ZKSCAN2: variants seen among roughly 807,000 people sequenced by gnomAD.
ZKSCAN2 encodes zinc finger with KRAB and SCAN domains 2.
A neutral mutation model predicts 90.5 loss-of-function variants in ZKSCAN2; 38 were observed. The observed-to-expected ratio is 0.42, with a 90% confidence interval of 0.32 to 0.55. ZKSCAN2 has a LOEUF of 0.55. ZKSCAN2 is among the 20% of genes least tolerant of loss of function. The pLI, the probability that ZKSCAN2 is intolerant of heterozygous loss-of-function variation, is 0.11. For synonymous variants in ZKSCAN2, 429 were observed against 421.6 expected, an observed-to-expected ratio of 1.02 and a Z score of -0.22; for missense variants, 1,167 against 1,202.6, an observed-to-expected ratio of 0.97 and a Z score of 0.44.
Position 25,252,946 on chromosome 16 carries a change from C to G in ZKSCAN2, c.678G>C (p.Gln226His). Residue 226 changes from glutamine to histidine, a missense_variant and splice_region_variant, in exon 3 of 7, where the codon CAG becomes CAC. Gln to His is a conservative substitution (Grantham distance 24). Coordinates refer to ENST00000328086, the MANE Select transcript of ZKSCAN2 (RefSeq NM_001012981.5). ...VTTTRLPAGSQEPVKDVHVAR... is the reference protein window; with the variant it reads ...VTTTRLPAGSHEPVKDVHVAR... ...GAAAAAAAAGACAATTACAATGTAC[C>G]TGGGACCCAGCAGGAAGCCGTGTGG... 6.2e-7 allele frequency: 1 copy of G among 1,612,520 alleles called. No individual in the cohort carries two copies. Among genetic ancestry groups the G allele is most frequent in the Non-Finnish European group, 8.5e-7 (1 of 1,178,672 alleles).
Position 25,239,838 on chromosome 16 carries a change from T to C in ZKSCAN2, c.2882A>G (p.Asp961Gly). Residue 961 changes from aspartate to glycine, a missense_variant, in exon 7 of 7, where the codon GAT (aspartate) becomes GGT (glycine). By Grantham distance (94) the Asp-to-Gly change is moderately conservative. Transcript: ENST00000328086. ...TCATCAAAAAGTTTTCCTAAATTCATCAGTCTTTCCCTTATGTGGGTTCTC... is the reference window on the plus strand; with the variant it reads ...TCATCAAAAAGTTTTCCTAAATTCACCAGTCTTTCCCTTATGTGGGTTCTC... ...CPENPHKGKT[D>G]EFRKTF 1 of 1,586,124 alleles carries C rather than the reference T, an allele frequency of 6.3e-7. No individual in the cohort carries two copies. Among genetic ancestry groups the C allele is most frequent in the East Asian group, 2.2e-5 (1 of 44,598 alleles).
chr16:25,247,028 G>T lies in ZKSCAN2; in HGVS notation c.1168C>A (p.Pro390Thr), dbSNP rs1962944300. ...TTGAACTTGGTTCGACACTGTTCTG[G>T]GGTTCTAAGGAAGCCACATTCTCGC... ...WLRECGFLRT[P>T]EQCRTKFKSL... Residue 390 changes from proline (P) to threonine (T), a missense_variant, in exon 5 of 7, where the codon CCA becomes ACA. Coordinates refer to ENST00000328086, the MANE Select transcript of ZKSCAN2 (RefSeq NM_001012981.5). The T allele has an allele frequency of 1.2e-6, 2 of 1,614,016 alleles. No homozygotes were observed. The highest frequency in any genetic ancestry group is 1.7e-6 in the Non-Finnish European group (2 of 1,180,040).
intron 1 of ZKSCAN2, among the ~76,000 whole-genome samples, chr16:25,256,161 C>T (rs989021998): frequency 2.0e-5 from 3 of 152,026 alleles, no homozygotes; most frequent in East Asian, 1.9e-4. Context: ...CAGGATTTCA[C>T]GAGGTTCATG....
At chr16:25,248,331 A>G (rs1329333234) in intron 4 of ZKSCAN2, among the ~76,000 whole-genome samples, 3 of 150,582 alleles carry the variant, frequency 2.0e-5, no homozygotes, top group Non-Finnish European at 4.4e-5. Flanking sequence ...AACAACAAAA[A>G]CAGTCAACAA....
At chr16:25,253,172 C>T in intron 2 of ZKSCAN2, 135 bp from the exon 3 acceptor site, 1 of 730,026 alleles carries the variant, frequency 1.4e-6, no homozygotes, top group Non-Finnish European at 2.3e-6. Flanking sequence ...GAGTTCAGAA[C>T]AATCCCCAAA....
chr16:25,240,820 T>C, intron 6 of ZKSCAN2, 82 bp from the exon 7 acceptor site: 1 of 1,093,468 alleles, frequency 9.1e-7, no homozygotes, highest in South Asian at 1.5e-5. Context: ...CTTGATCCGC[T>C]TGCTCTCCAT....
At chr16:25,256,095 A>G (rs1016508610) in intron 1 of ZKSCAN2, among the ~76,000 whole-genome samples, 1 of 152,238 alleles carries the variant, frequency 6.6e-6, no homozygotes, top group Non-Finnish European at 1.5e-5. Flanking sequence ...CTGCTGATAG[A>G]TCTCTACACA....
rs1037351369 is a variant in ZKSCAN2 at position 25,255,050 on chromosome 16, T to C, written c.586+156A>G. 3.6e-4 allele frequency among the ~76,000 whole-genome samples: 55 copies of C among 152,184 alleles called. 1 individual carries two copies. The highest frequency in any genetic ancestry group is 2.7e-3 in the Admixed American group (41 of 15,288). On this transcript the variant is annotated intron_variant, in intron 2 of 6. Transcript: ENST00000328086. ...CATCTTTATGATACCTTTTCACTTATATTGCACATGTTCCTAATTCTTGAA... is the reference window on the plus strand; with the variant it reads ...CATCTTTATGATACCTTTTCACTTACATTGCACATGTTCCTAATTCTTGAA...
chr16:25,241,144 A>G (rs1962846719), intron 6 of ZKSCAN2, among the ~76,000 whole-genome samples: 1 of 152,186 alleles, frequency 6.6e-6, no homozygotes, highest in African/African-American at 2.4e-5. Context: ...CAGGAACTAA[A>G]TTCCTCTACA....
At chr16:25,249,243 T>C (rs1962982880) in intron 4 of ZKSCAN2, among the ~76,000 whole-genome samples, 1 of 152,214 alleles carries the variant, frequency 6.6e-6, no homozygotes, top group Admixed American at 6.5e-5. Flanking sequence ...TAATCTATTA[T>C]ATAGTGACTA....
intron 6 of ZKSCAN2, among the ~76,000 whole-genome samples, chr16:25,243,462 G>A (rs576906731): frequency 1.3e-5 from 2 of 152,280 alleles, no homozygotes; most frequent in South Asian, 2.1e-4. Context: ...CTGAGTAGCT[G>A]GGATTACAGG....
rs1242757133 is a variant in ZKSCAN2, at chr16:25,244,160, C to T, written c.1606G>A (p.Glu536Lys). The change falls in exon 6 of 7, where the codon GAA (glutamate) becomes AAA (lysine). Residue 536 changes from glutamate to lysine, a missense_variant. By Grantham distance (56) the Glu-to-Lys change is moderately conservative. Coordinates refer to ENST00000328086, the MANE Select transcript of ZKSCAN2 (RefSeq NM_001012981.5). ...AGGAAGCCGCACTCTCGAAGCTGTTCAGCTACAGCCCCATACAATTTGCTC... is the reference window on the plus strand; with the variant it reads ...AGGAAGCCGCACTCTCGAAGCTGTTTAGCTACAGCCCCATACAATTTGCTC... ...RKSKLYGAVA[E>K]QLRECGFLRT... is the part of the protein sequence containing the mutation. The T allele has an allele frequency of 1.9e-6, 3 of 1,614,046 alleles. No homozygotes were observed. The highest frequency in any genetic ancestry group is 2.2e-5 in the South Asian group (2 of 91,078).
Position 25,247,114 on chromosome 16 carries a change from T to C in ZKSCAN2, c.1082A>G (p.Tyr361Cys). 1 of 1,614,228 alleles carries C rather than the reference T, an allele frequency of 6.2e-7. No individual in the cohort carries two copies. Among genetic ancestry groups the C allele is most frequent in the Non-Finnish European group, 8.5e-7 (1 of 1,180,044 alleles). Residue 361 changes from tyrosine to cysteine, a missense_variant, in exon 5 of 7, where the codon TAT becomes TGT. Coordinates refer to ENST00000328086, the MANE Select transcript of ZKSCAN2 (RefSeq NM_001012981.5). ...TCGGGGACAGGCCTGAAGTGTTTCATAAAAGCGAGACTCTTTGAGAATTGC... is the reference window on the plus strand; with the variant it reads ...TCGGGGACAGGCCTGAAGTGTTTCACAAAAGCGAGACTCTTTGAGAATTGC... Reference protein sequence around the residue: ...FLAILKESRFYETLQACPRNS... With the variant: ...FLAILKESRFCETLQACPRNS...
chr16:25,257,264 A>T lies in ZKSCAN2; in HGVS notation c.-137T>A. 3.4e-6 allele frequency: 5 copies of T among 1,481,682 alleles called. No individual in the cohort carries two copies. The highest frequency in any genetic ancestry group is 2.7e-6 in the Non-Finnish European group (3 of 1,124,198). 91.8% of individuals were successfully genotyped at this position (1,481,682 alleles called of 1,614,324 possible). A position where few individuals can be genotyped will look rare whatever the true frequency, so the allele number is the denominator to read the frequency against. ...ACGGCCAGGTCGGCAGGAACAGGGTATTCCAGGCTGATTAATCAAATCTAT... is the reference window on the plus strand; with the variant it reads ...ACGGCCAGGTCGGCAGGAACAGGGTTTTCCAGGCTGATTAATCAAATCTAT... On this transcript the variant is annotated 5_prime_UTR_variant, in exon 1 of 7. Coordinates refer to ENST00000328086, the MANE Select transcript of ZKSCAN2 (RefSeq NM_001012981.5).
At position 25,246,810 on chromosome 16, in the gene ZKSCAN2, C is replaced by T. The variant is rs1962940068; in HGVS notation, c.1386G>A (p.Glu462=). The T allele has an allele frequency of 1.2e-6, 2 of 1,614,216 alleles. No homozygotes were observed. Among genetic ancestry groups the T allele is most frequent in the African/African-American group, 1.3e-5 (1 of 75,060 alleles). The change falls in exon 5 of 7, where the codon GAG becomes GAA. Residue 462 remains glutamate, a synonymous_variant. Transcript: ENST00000328086. The part of the protein sequence containing the change: ...ISAKEHISLV[E]EEEAAEDSDD... ...CAGAATCTTCTGCAGCTTCCTCCTC[C>T]TCCACCAAGCTGATGTGTTCCTTAG...
rs1962894693 is a variant in ZKSCAN2 at position 25,244,107 on chromosome 16, C to T, written c.1659G>A (p.Lys553=). The part of the protein sequence containing the change: ...FLRTPEQCRT[K]FKSLQKSYRK... The stretch of plus-strand genomic sequence containing the variant: ...GGTAACTCTTCTGAAGGCTTTTGAA[C>T]TTGGTTCGGCACTGTTCTGGTGTCC... The change falls in exon 6 of 7, where the codon AAG becomes AAA. Residue 553 remains lysine, a synonymous_variant. Coordinates refer to ENST00000328086, the MANE Select transcript of ZKSCAN2 (RefSeq NM_001012981.5). 6.8e-6 allele frequency: 11 copies of T among 1,614,152 alleles called. No individual in the cohort carries two copies. The East Asian group carries it at 2.5e-4, about 36-fold the overall frequency.
intron 4 of ZKSCAN2, among the ~76,000 whole-genome samples, chr16:25,250,458 G>C (rs1963004442): frequency 1.3e-5 from 2 of 152,206 alleles, no homozygotes; most frequent in Admixed American, 1.3e-4. Context: ...AGAGAACAGT[G>C]GTTGCCAGGG....
At chr16:25,254,990 G>C (rs771657683) in intron 2 of ZKSCAN2, among the ~76,000 whole-genome samples, 1 of 150,752 alleles carries the variant, frequency 6.6e-6, no homozygotes, top group South Asian at 2.1e-4. Context: ...ATTTTGTAGA[G>C]ACTGGGTTTT....
intron 2 of ZKSCAN2, among the ~76,000 whole-genome samples, chr16:25,254,430 A>C (rs764558887): frequency 2.0e-5 from 3 of 152,212 alleles, no homozygotes; most frequent in Non-Finnish European, 4.4e-5. Context: ...TTAACTGTTT[A>C]TCTCTCTTGT....
Sources: allele counts gnomAD v4.1 joint callset (sites outside exome capture counted in the v4.1 genomes callset), GRCh38; gene constraint gnomAD v4.1.1; transcripts MANE v1.5; gene names NCBI Gene and HGNC (gene_info 2026-07-23, HGNC 2026-07-21).